KANK4: variants seen among roughly 807,000 people sequenced by gnomAD.
KANK4 encodes the protein KN motif and ankyrin repeat domains 4.
A neutral mutation model predicts 80.8 loss-of-function variants in KANK4; 50 were observed. The observed-to-expected ratio is 0.62, with a 90% CI of 0.49 to 0.78. The LOEUF (loss-of-function observed/expected upper bound fraction) is 0.78. Ranked by LOEUF, KANK4 falls within the 30% of genes least tolerant of loss-of-function variation. The pLI is 0.00. For synonymous variants in KANK4, 465 were observed against 506.9 expected, an observed-to-expected ratio of 0.92 and a Z score of 1.11; for missense variants, 1,196 against 1,240.1, an observed-to-expected ratio of 0.96 and a Z score of 0.53.
chr1:62,277,517 C>A (rs1394261228), intron 2 of KANK4, among the ~76,000 whole-genome samples: 1 of 152,170 alleles, frequency 6.6e-6, no homozygotes, highest in Non-Finnish European at 1.5e-5. Context: ...ATGGCAGATG[C>A]TGAGAGATCT....
intron 2 of KANK4, among the ~76,000 whole-genome samples, chr1:62,281,015 G>A (rs1007402388): frequency 1.3e-5 from 2 of 152,162 alleles, no homozygotes; most frequent in Non-Finnish European, 2.9e-5. Flanking sequence ...ATGTGAACAA[G>A]CCCTAGCCAA....
chr1:62,279,198 G>GCGCGCGCACACACACACACA (rs1282615199), intron 2 of KANK4, among the ~76,000 whole-genome samples: 1 of 146,182 alleles, frequency 6.8e-6, no homozygotes, highest in African/African-American at 2.5e-5. Flanking sequence ...GCTAGCGCGC[G>GCGCGCGCACACACACACACA]CACACACACA....
intron 7 of KANK4, among the ~76,000 whole-genome samples, chr1:62,256,985 A>C (rs1671767005): frequency 6.6e-6 from 1 of 152,048 alleles, no homozygotes; most frequent in Admixed American, 6.5e-5. Flanking sequence ...GTTCTCTTTT[A>C]TCTCTTTAGA....
intron 1 of KANK4, among the ~76,000 whole-genome samples, chr1:62,293,011 G>T (rs1001186420): frequency 2.6e-4 from 39 of 151,964 alleles, no homozygotes; most frequent in African/African-American, 8.2e-4. Flanking sequence ...AGTTCCCAGA[G>T]ATCTCTTAAT....
chr1:62,294,705 T>C (rs1421449816), intron 1 of KANK4, among the ~76,000 whole-genome samples: 1 of 152,220 alleles, frequency 6.6e-6, no homozygotes. Context: ...TATTTCACAA[T>C]GCCCCACCTA....
rs781680916 is a variant in KANK4, at chr1:62,273,748, A to C, written c.1356T>G (p.Asn452Lys). Residue 452 changes from asparagine to lysine, a missense_variant, in exon 3 of 10, where the codon AAT (asparagine) becomes AAG (lysine). Coordinates refer to ENST00000371153, the MANE Select transcript of KANK4 (RefSeq NM_181712.5). ...SESWGHRGEENGLLWGPDGHK... is the reference protein window; with the variant it reads ...SESWGHRGEEKGLLWGPDGHK... ...GACCATCTGGCCCCCATAGGAGGCCATTCTCCTCTCCTCGGTGCCCCCAGC... is the reference window on the plus strand; with the variant it reads ...GACCATCTGGCCCCCATAGGAGGCCCTTCTCCTCTCCTCGGTGCCCCCAGC... 9.3e-6 allele frequency: 15 copies of C among 1,613,856 alleles called. No homozygotes were observed. The highest frequency in any genetic ancestry group is 1.6e-4 in the Middle Eastern group (1 of 6,062).
At chr1:62,263,634 G>A (rs552514152) in intron 6 of KANK4, among the ~76,000 whole-genome samples, 4 of 152,222 alleles carry the variant, frequency 2.6e-5, no homozygotes, top group Admixed American at 6.5e-5. Context: ...TCAAACCCCT[G>A]GTATGCGCAC....
At chr1:62,269,552 AT>A (rs1047712803) in intron 4 of KANK4, among the ~76,000 whole-genome samples, 1 of 152,206 alleles carries the variant, frequency 6.6e-6, no homozygotes, top group African/African-American at 2.4e-5. Flanking sequence ...TGGAGGGCAT[AT>A]TACATTTACC....
At chr1:62,316,800 C>A (rs1423160017) in intron 1 of KANK4, among the ~76,000 whole-genome samples, 1 of 152,266 alleles carries the variant, frequency 6.6e-6, no homozygotes, top group Middle Eastern at 3.4e-3. Context: ...TTCTATGTGC[C>A]CTGCTCTGTG....
At chr1:62,245,897 T>C (rs980391827) in intron 9 of KANK4, among the ~76,000 whole-genome samples, 2 of 152,150 alleles carry the variant, frequency 1.3e-5, no homozygotes, top group African/African-American at 4.8e-5. Context: ...TGGCGGGCAC[T>C]CTACTAGGTG....
chr1:62,258,922 T>A (rs866293875), intron 7 of KANK4, among the ~76,000 whole-genome samples: 2 of 152,066 alleles, frequency 1.3e-5, no homozygotes, highest in South Asian at 4.2e-4. Context: ...AGAGTCCAGG[T>A]AGAAGGCAAA....
chr1:62,257,501 A>T (rs1301527619), intron 7 of KANK4, among the ~76,000 whole-genome samples: 1 of 152,226 alleles, frequency 6.6e-6, no homozygotes, highest in East Asian at 1.9e-4. Flanking sequence ...CTGACTCAAT[A>T]AGCCCTGCAA....
intron 9 of KANK4, among the ~76,000 whole-genome samples, chr1:62,244,385 AGGGGGTGATATGGTTT>A (rs1346973847): frequency 6.6e-6 from 1 of 151,816 alleles, no homozygotes; most frequent in Admixed American, 6.6e-5. Flanking sequence ...TTCTGTAGAG[AGGGGGTGATATGGTTT>A]GGCTGTGTCC....
chr1:62,286,670 A>G (rs539749172), intron 1 of KANK4, among the ~76,000 whole-genome samples: 1 of 152,092 alleles, frequency 6.6e-6, no homozygotes, highest in African/African-American at 2.4e-5. Context: ...ATTTGTTCCT[A>G]ATGAGGACGT....
intron 2 of KANK4, among the ~76,000 whole-genome samples, chr1:62,278,069 C>T (rs910119508): frequency 2.0e-5 from 3 of 152,092 alleles, no homozygotes; most frequent in African/African-American, 7.2e-5. Flanking sequence ...TGTATGCACG[C>T]GAACAAGCTT....
chr1:62,305,517 G>T (rs935130146), intron 1 of KANK4, among the ~76,000 whole-genome samples: 12 of 151,970 alleles, frequency 7.9e-5, no homozygotes, highest in African/African-American at 2.2e-4. Context: ...TGCCATGTTG[G>T]CCAGGCTGGT....
rs373246857 is a variant in KANK4, at chr1:62,274,824, C to G, written c.280G>C (p.Val94Leu). The change falls in exon 3 of 10, where the codon GTG (valine) becomes CTG (leucine). Residue 94 changes from valine (V) to leucine (L), a missense_variant. Physicochemically the swap from Val to Leu is conservative, Grantham distance 32. Transcript: ENST00000371153. ...AAPPLQNWSP[V>L]VPREASLGTQ... Reference sequence around the variant, plus strand: ...CCAAGTGATGCCTCCCTTGGCACCACGGGAGACCAGTTTTGGAGGGGCGGG... The same window carrying G: ...CCAAGTGATGCCTCCCTTGGCACCAGGGGAGACCAGTTTTGGAGGGGCGGG... 2 of 1,613,910 alleles carry G rather than the reference C, an allele frequency of 1.2e-6. No individual in the cohort carries two copies. Among genetic ancestry groups the G allele is most frequent in the Non-Finnish European group, 1.7e-6 (2 of 1,180,004 alleles).
At chr1:62,293,012 A>G (rs1457925894) in intron 1 of KANK4, among the ~76,000 whole-genome samples, 1 of 151,950 alleles carries the variant, frequency 6.6e-6, no homozygotes, top group Non-Finnish European at 1.5e-5. Flanking sequence ...GTTCCCAGAG[A>G]TCTCTTAATA....
At chr1:62,287,246 TCCAGGAGGGG>T (rs1279906820) in intron 1 of KANK4, among the ~76,000 whole-genome samples, 2 of 152,282 alleles carry the variant, frequency 1.3e-5, no homozygotes, top group East Asian at 3.9e-4. Flanking sequence ...GCGGGGATGG[TCCAGGAGGGG>T]CCAGGAAAGC....
Sources: allele counts gnomAD v4.1 joint callset (sites outside exome capture counted in the v4.1 genomes callset), GRCh38; gene constraint gnomAD v4.1.1; transcripts MANE v1.5; gene names NCBI Gene and HGNC (gene_info 2026-07-23, HGNC 2026-07-21).